Variants in ARHGEF4 observed in about 807,000 individuals in gnomAD.
The protein encoded by ARHGEF4 is APC-stimulated guanine nucleotide exchange factor 1.
A neutral mutation model predicts 162.0 loss-of-function variants in ARHGEF4; 119 were observed. The ratio of observed to expected loss-of-function variants is 0.73; its 90% confidence interval spans 0.63 to 0.86. ARHGEF4 has a LOEUF of 0.86. Ranked by LOEUF, ARHGEF4 falls within the 40% of genes least tolerant of loss-of-function variation. ARHGEF4 has a pLI of 0.00. For missense variants in ARHGEF4, 2,488 were observed against 2,456.0 expected (o/e 1.01, Z -0.28); for synonymous variants, 1,014 against 979.9 (o/e 1.03, Z -0.65).
chr2:130,925,089 A>T (rs1370593870), intron 2 of ARHGEF4, among the ~76,000 whole-genome samples: 13 of 149,146 alleles, frequency 8.7e-5, no homozygotes, highest in African/African-American at 3.3e-4. Context: ...TGCGTCTGAG[A>T]GAGAGAGAGA....
chr2:131,034,952 G>A, intron 5 of ARHGEF4: 1 of 982,860 alleles, frequency 1.0e-6, no homozygotes, highest in Non-Finnish European at 1.2e-6. Context: ...GGGAGGCGCC[G>A]CGCGCACGGC....
chr2:130,955,012 T>C (rs1684183227), intron 4 of ARHGEF4, among the ~76,000 whole-genome samples: 2 of 152,160 alleles, frequency 1.3e-5, no homozygotes, highest in South Asian at 4.1e-4. Flanking sequence ...GTAATTTCTA[T>C]TGATCTATCT....
chr2:131,035,750 G>GC, intron 5 of ARHGEF4: 1 of 985,396 alleles, frequency 1.0e-6, no homozygotes, highest in Non-Finnish European at 1.2e-6. Flanking sequence ...GAGCCCCTCT[G>GC]CCCCCCTTGC....
chr2:131,044,099 G>A (rs2105420552), intron 11 of ARHGEF4, among the ~76,000 whole-genome samples, 200 bp from the exon 12 acceptor site: 1 of 152,274 alleles, frequency 6.6e-6, no homozygotes, highest in East Asian at 1.9e-4. Context: ...GCAAAATAAA[G>A]GAGCAAGGCC....
At chr2:130,909,157 C>G (rs1681023484) in intron 1 of ARHGEF4, among the ~76,000 whole-genome samples, 1 of 152,120 alleles carries the variant, frequency 6.6e-6, no homozygotes, top group Non-Finnish European at 1.5e-5. Flanking sequence ...CAGCGTCATC[C>G]CACTCCTCGG....
At chr2:130,967,170 G>T in intron 4 of ARHGEF4, among the ~76,000 whole-genome samples, 1 of 152,286 alleles carries the variant, frequency 6.6e-6, no homozygotes, top group Middle Eastern at 3.4e-3. Context: ...CTCTAGACTC[G>T]CCTTGCTTTC....
chr2:130,922,418 C>G (rs1331702466), intron 2 of ARHGEF4, among the ~76,000 whole-genome samples: 1 of 151,750 alleles, frequency 6.6e-6, no homozygotes. Context: ...AGGACTGCAG[C>G]CTGGGACACA....
chr2:130,946,799 T>G, intron 4 of ARHGEF4, 164 bp downstream of exon 4: 1 of 938,742 alleles, frequency 1.1e-6, no homozygotes, highest in Non-Finnish European at 1.5e-6. Context: ...GAGTGCCTAC[T>G]ACCCAAAGAA....
chr2:130,869,038 CT>C (rs1682497808), intron 1 of ARHGEF4, among the ~76,000 whole-genome samples: 1 of 152,248 alleles, frequency 6.6e-6, no homozygotes, highest in Non-Finnish European at 1.5e-5. Context: ...AGCCCCATCC[CT>C]TTTGCCCTAA....
chr2:130,949,856 C>T (rs1354328128), intron 4 of ARHGEF4, among the ~76,000 whole-genome samples: 1 of 152,202 alleles, frequency 6.6e-6, no homozygotes, highest in Non-Finnish European at 1.5e-5. Context: ...GCCATGTTGG[C>T]CAGGCTGGTC....
chr2:130,912,291 G>A (rs146422912), intron 1 of ARHGEF4, among the ~76,000 whole-genome samples: 143 of 152,368 alleles, frequency 9.4e-4, no homozygotes, highest in Middle Eastern at 3.4e-3. Flanking sequence ...GGCAGCGGCC[G>A]GAGACAGTTC....
intron 1 of ARHGEF4, among the ~76,000 whole-genome samples, chr2:130,899,543 G>C (rs1680365874): frequency 6.6e-6 from 1 of 152,202 alleles, no homozygotes; most frequent in Non-Finnish European, 1.5e-5. Context: ...CTCTTGACCT[G>C]TGGACTTCAG....
chr2:130,904,107 A>G (rs1288339586), intron 1 of ARHGEF4, among the ~76,000 whole-genome samples: 4 of 152,212 alleles, frequency 2.6e-5, no homozygotes, highest in African/African-American at 4.8e-5. Flanking sequence ...TGCTCTCCAC[A>G]GGGGCTGTGC....
At chr2:130,883,866 C>T (rs746949265) in intron 1 of ARHGEF4, among the ~76,000 whole-genome samples, 1 of 152,102 alleles carries the variant, frequency 6.6e-6, no homozygotes, top group Non-Finnish European at 1.5e-5. Context: ...TGTGTGAATT[C>T]CTCAGCCTCC....
intron 1 of ARHGEF4, among the ~76,000 whole-genome samples, chr2:130,845,316 G>A (rs1680883429): frequency 6.6e-6 from 1 of 151,630 alleles, no homozygotes; most frequent in Admixed American, 6.6e-5. Context: ...GACCAGCCTG[G>A]GCAACATAGG....
intron 13 of ARHGEF4, 70 bp from the exon 14 acceptor site, chr2:131,045,968 C>A (rs1330177139): frequency 6.4e-7 from 1 of 1,551,026 alleles, no homozygotes; most frequent in Non-Finnish European, 8.7e-7. Context: ...GGACCCCATG[C>A]TGTCCCCAAC....
At chr2:130,855,625 A>G (rs550893837) in intron 1 of ARHGEF4, among the ~76,000 whole-genome samples, 1 of 152,316 alleles carries the variant, frequency 6.6e-6, no homozygotes, top group African/African-American at 2.4e-5. Flanking sequence ...GCATACTTGC[A>G]TGACTGAACT....
chr2:131,019,778 C>T (rs546359799), intron 4 of ARHGEF4, among the ~76,000 whole-genome samples: 2 of 152,152 alleles, frequency 1.3e-5, no homozygotes, highest in East Asian at 1.9e-4. Flanking sequence ...GGACTACAGG[C>T]GCCTGCCACC....
chr2:130,885,383 C>G (rs757679612), intron 1 of ARHGEF4, among the ~76,000 whole-genome samples: 2 of 151,980 alleles, frequency 1.3e-5, no homozygotes, highest in East Asian at 3.9e-4. Context: ...CGTGAGCCAC[C>G]GCGCCCGGCC....
Sources: allele counts gnomAD v4.1 joint callset (sites outside exome capture counted in the v4.1 genomes callset), GRCh38; gene constraint gnomAD v4.1.1; transcripts MANE v1.5; gene names NCBI Gene and HGNC (gene_info 2026-07-23, HGNC 2026-07-21).